NCOA2: variants seen among roughly 807,000 people sequenced by gnomAD.
NCOA2 encodes nuclear receptor coactivator 2, also known as class E basic helix-loop-helix protein 75.
NCOA2 carries 21 observed loss-of-function variants against 145.1 expected under a neutral mutation model. That is an observed-to-expected ratio of 0.14 (90% CI 0.10 to 0.21). The LOEUF is 0.21. Among genes scored for constraint, NCOA2 ranks in the 10% least tolerant of loss-of-function variants. NCOA2 has a pLI of 1.00. For missense variants in NCOA2, 1,472 were observed against 1,837.6 expected, an observed-to-expected ratio of 0.80 and a Z score of 3.64; for synonymous variants, 619 against 637.5, an observed-to-expected ratio of 0.97 and a Z score of 0.44.
At chr8:70,294,001 T>C (rs1826897494) in intron 2 of NCOA2, among the ~76,000 whole-genome samples, 1 of 152,264 alleles carries the variant, frequency 6.6e-6, no homozygotes, top group South Asian at 2.1e-4. Context: ...CAAATCAAAA[T>C]CTTAAGGTAT....
At chr8:70,272,541 T>C (rs1205980354) in intron 2 of NCOA2, among the ~76,000 whole-genome samples, 1 of 152,194 alleles carries the variant, frequency 6.6e-6, no homozygotes. Flanking sequence ...AGCAGTCTCT[T>C]AACTGATTGG....
intron 4 of NCOA2, among the ~76,000 whole-genome samples, chr8:70,208,316 G>C (rs1818677362): frequency 6.6e-6 from 1 of 152,082 alleles, no homozygotes; most frequent in Non-Finnish European, 1.5e-5. Flanking sequence ...CAGAAGAAAA[G>C]TTTAAAGCTA....
rs1420095571 is a variant in NCOA2 at position 70,402,811 on chromosome 8, A to T, written c.-77+889T>A. Among the ~76,000 whole-genome samples, 6 of 143,478 alleles carry T rather than the reference A, an allele frequency of 4.2e-5. No individual in the cohort carries two copies. The East Asian group carries it at 1.3e-3, about 30-fold the overall frequency. The allele number at this position is 143,478 out of a possible 152,430, so 94.1% of individuals were successfully genotyped here. On this transcript the variant is annotated intron_variant, in intron 1 of 22. Coordinates refer to ENST00000452400, the MANE Select transcript of NCOA2 (RefSeq NM_006540.4). The stretch of plus-strand genomic sequence containing the variant: ...CCCGGCCCCAGCGCGCCTCCTGCAT[A>T]CACGCCCGCACCCAGAAAGTTCAGT...
chr8:70,286,691 A>G (rs1255006754), intron 2 of NCOA2, among the ~76,000 whole-genome samples: 1 of 152,198 alleles, frequency 6.6e-6, no homozygotes, highest in Non-Finnish European at 1.5e-5. Flanking sequence ...AAGCAATTAA[A>G]ACCTCTTTTT....
At chr8:70,354,964 G>C (rs1361011831) in intron 1 of NCOA2, among the ~76,000 whole-genome samples, 1 of 152,152 alleles carries the variant, frequency 6.6e-6, no homozygotes, top group East Asian at 1.9e-4. Flanking sequence ...AGTAATTAAA[G>C]GTGTTTTGGC....
At chr8:70,198,985 C>T (rs538191004) in intron 4 of NCOA2, among the ~76,000 whole-genome samples, 2 of 151,998 alleles carry the variant, frequency 1.3e-5, no homozygotes, top group Non-Finnish European at 2.9e-5. Context: ...AGTATCTGTG[C>T]AATGAAAGAT....
chr8:70,391,179 G>C (rs1469956743), intron 1 of NCOA2, among the ~76,000 whole-genome samples: 1 of 152,212 alleles, frequency 6.6e-6, no homozygotes, highest in Non-Finnish European at 1.5e-5. Flanking sequence ...AAGTAGTCAA[G>C]TATTCAAGAA....
Position 70,113,513 on chromosome 8 carries a change from T to C in NCOA2, c.*119A>G. 1 of 1,214,164 alleles carries C rather than the reference T, an allele frequency of 8.2e-7. No homozygotes were observed. The highest frequency in any genetic ancestry group is 1.2e-6 in the Non-Finnish European group (1 of 845,184). 75.2% of individuals were successfully genotyped at this position (1,214,164 alleles called of 1,614,324 possible). A position where few individuals can be genotyped will look rare whatever the true frequency, so the allele number is the denominator to read the frequency against. ...GGGAACCAGGGCCAGGCCTGTCTGC[T>C]CTAGCAGAACCGGCTGGCAGGTCAG... On this transcript the variant is annotated 3_prime_UTR_variant, in exon 23 of 23. Transcript: ENST00000452400.
At chr8:70,164,708 T>C (rs1345069905) in intron 7 of NCOA2, among the ~76,000 whole-genome samples, 2 of 152,102 alleles carry the variant, frequency 1.3e-5, no homozygotes, top group Non-Finnish European at 2.9e-5. Flanking sequence ...AACTGTTTCA[T>C]GTATTATTTC....
At chr8:70,245,882 G>GAGACATT (rs1281781584) in intron 2 of NCOA2, among the ~76,000 whole-genome samples, 1 of 152,012 alleles carries the variant, frequency 6.6e-6, no homozygotes, top group Admixed American at 6.6e-5. Context: ...GAACACTTTG[G>GAGACATT]AGACATTATA....
intron 1 of NCOA2, among the ~76,000 whole-genome samples, chr8:70,327,393 A>G (rs1056743647): frequency 2.6e-5 from 4 of 152,252 alleles, no homozygotes; most frequent in Non-Finnish European, 5.9e-5. Flanking sequence ...TGCAAAATTC[A>G]TTAATATAAT....
chr8:70,273,417 A>AG, intron 2 of NCOA2: 1 of 761,082 alleles, frequency 1.3e-6, no homozygotes, highest in South Asian at 1.8e-5. Flanking sequence ...GCCAAACTGC[A>AG]GGCAAAAGTG....
intron 1 of NCOA2, among the ~76,000 whole-genome samples, chr8:70,399,407 C>T (rs1171580948): frequency 6.6e-6 from 1 of 151,882 alleles, no homozygotes; most frequent in Non-Finnish European, 1.5e-5. Context: ...TTCCATTTTC[C>T]CTTAAATGGC....
rs1245659594 is a variant in NCOA2 at position 70,156,803 on chromosome 8, C to T, written c.1562G>A (p.Ser521Asn). The change falls in exon 11 of 23, where the codon AGC becomes AAC. Residue 521 changes from serine (S) to asparagine (N), a missense_variant. Ser to Asn is a conservative substitution (Grantham distance 46, BLOSUM62 1). Coordinates refer to ENST00000452400, the MANE Select transcript of NCOA2 (RefSeq NM_006540.4). The part of the protein sequence containing the change: ...GSLHSPVGVC[S>N]STGNSHSYTN... ...ATAACTATGGCTATTTCCTGTGCTG[C>T]TGCAAACTCCCACAGGGGAATGCAA... 1 of 1,614,012 alleles carries T rather than the reference C, an allele frequency of 6.2e-7. No homozygotes were observed.
intron 2 of NCOA2, among the ~76,000 whole-genome samples, chr8:70,249,309 T>G (rs1446618271): frequency 6.6e-6 from 1 of 152,196 alleles, no homozygotes; most frequent in Non-Finnish European, 1.5e-5. Flanking sequence ...CATACTGATA[T>G]TTCTTTTTCC....
At chr8:70,331,023 A>G (rs1386548915) in intron 1 of NCOA2, among the ~76,000 whole-genome samples, 1 of 149,138 alleles carries the variant, frequency 6.7e-6, no homozygotes, top group Non-Finnish European at 1.5e-5. Context: ...ACTTAAGAAC[A>G]GTCAGTAAAG....
chr8:70,376,561 A>C (rs1335642372), intron 1 of NCOA2, among the ~76,000 whole-genome samples: 2 of 152,240 alleles, frequency 1.3e-5, no homozygotes, highest in African/African-American at 4.8e-5. Context: ...ATTCTATTAC[A>C]GAATCAAGAG....
intron 2 of NCOA2, among the ~76,000 whole-genome samples, chr8:70,282,193 C>G (rs1036855913): frequency 6.6e-6 from 1 of 152,104 alleles, no homozygotes. Context: ...ATTTGAGCAT[C>G]TCAATATGGG....
At chr8:70,332,568 G>A (rs1298249330) in intron 1 of NCOA2, among the ~76,000 whole-genome samples, 2 of 152,110 alleles carry the variant, frequency 1.3e-5, no homozygotes, top group African/African-American at 4.8e-5. Flanking sequence ...CTGTTTTTAG[G>A]TGGGGGTGGC....
Sources: allele counts gnomAD v4.1 joint callset (sites outside exome capture counted in the v4.1 genomes callset), GRCh38; gene constraint gnomAD v4.1.1; transcripts MANE v1.5; gene names NCBI Gene and HGNC (gene_info 2026-07-23, HGNC 2026-07-21).